GALNT13: variants seen among roughly 807,000 people sequenced by gnomAD.
The protein encoded by GALNT13 is polypeptide N-acetylgalactosaminyltransferase 13, also known as UDP-GalNAc:polypeptide N-acetylgalactosaminyltransferase 13.
In GALNT13, 28 loss-of-function variants were observed where a neutral mutation model predicts 64.2. That is an observed-to-expected ratio of 0.44 (90% CI 0.32 to 0.60). GALNT13 has a LOEUF of 0.60. Ranked by LOEUF, GALNT13 falls within the 20% of genes least tolerant of loss-of-function variation. The pLI is 0.05. For synonymous variants in GALNT13, 214 were observed against 224.6 expected, an observed-to-expected ratio of 0.95 and a Z score of 0.42; for missense variants, 577 against 669.8, an observed-to-expected ratio of 0.86 and a Z score of 1.53.
the GALNT13 span, among the ~76,000 whole-genome samples, chr2:153,658,937 A>G: frequency 6.6e-6 from 1 of 152,132 alleles, no homozygotes; most frequent in Non-Finnish European, 1.5e-5. Flanking sequence ...TCTAATGTAC[A>G]TATATTTGTC....
At chr2:154,121,576 A>G (rs1466297311) in intron 3 of GALNT13, among the ~76,000 whole-genome samples, 1 of 152,110 alleles carries the variant, frequency 6.6e-6, no homozygotes. Context: ...TTTTGGTGCT[A>G]TTGTAAATTT....
chr2:153,147,384 G>A, the GALNT13 span, among the ~76,000 whole-genome samples: 1 of 151,776 alleles, frequency 6.6e-6, no homozygotes, highest in Non-Finnish European at 1.5e-5. Context: ...AACTAAAACA[G>A]CAAAGTTAAG....
the GALNT13 span, among the ~76,000 whole-genome samples, chr2:153,723,131 A>T: frequency 1.4e-5 from 2 of 142,300 alleles, no homozygotes; most frequent in East Asian, 4.2e-4. Flanking sequence ...CATCCCTGGG[A>T]TGCAAGGCTG....
In GALNT13 at chr2:153,921,455, G is replaced by T. The variant is rs568038190; in HGVS notation, c.-105+20448G>T. 2.6e-5 allele frequency among the ~76,000 whole-genome samples: 4 copies of T among 152,246 alleles called. No individual in the cohort carries two copies. The East Asian group carries it at 7.7e-4, about 29-fold the overall frequency. On this transcript the variant is annotated intron_variant, in intron 2 of 12. Transcript: ENST00000392825. Reference sequence around the variant, plus strand: ...AAAGAGGGGAACAACAGGCACCAAGGCCTGCTTGAGGGTGGAGTCTTGGAG... The same window carrying T: ...AAAGAGGGGAACAACAGGCACCAAGTCCTGCTTGAGGGTGGAGTCTTGGAG...
At chr2:153,884,803 A>G (rs62174145) in intron 1 of GALNT13, among the ~76,000 whole-genome samples, 33,370 of 132,694 alleles carry the variant, frequency 0.25, 5,833 homozygotes, top group East Asian at 0.72. Context: ...GTATATATAT[A>G]TATGTGTGTG....
At chr2:153,283,893 T>C in the GALNT13 span, among the ~76,000 whole-genome samples, 575 of 152,278 alleles carry the variant, frequency 3.8e-3, 6 homozygotes, top group African/African-American at 0.013. Context: ...AGTCTACTGA[T>C]CCATGCAAAT....
chr2:154,236,955 C>T (rs953093889), intron 4 of GALNT13, among the ~76,000 whole-genome samples: 9 of 151,806 alleles, frequency 5.9e-5, no homozygotes, highest in African/African-American at 2.2e-4. Context: ...TTTTAATATG[C>T]TTTATTTGTT....
chr2:153,107,735 G>A, the GALNT13 span, among the ~76,000 whole-genome samples: 1 of 152,184 alleles, frequency 6.6e-6, no homozygotes, highest in South Asian at 2.1e-4. Context: ...ATAATAAATA[G>A]GTTTTCATTT....
the GALNT13 span, among the ~76,000 whole-genome samples, chr2:153,676,650 A>G: frequency 6.6e-6 from 1 of 152,052 alleles, no homozygotes; most frequent in East Asian, 1.9e-4. Flanking sequence ...GCACATCAAA[A>G]AGCTAATCCA....
intron 2 of GALNT13, among the ~76,000 whole-genome samples, chr2:153,927,922 G>C (rs921363231): frequency 1.3e-5 from 2 of 152,054 alleles, no homozygotes; most frequent in Non-Finnish European, 2.9e-5. Context: ...CCATGGATAA[G>C]ATGTTGTTAA....
At chr2:153,742,795 C>G in the GALNT13 span, among the ~76,000 whole-genome samples, 4 of 152,112 alleles carry the variant, frequency 2.6e-5, no homozygotes, top group Middle Eastern at 3.4e-3. Flanking sequence ...TACATATATA[C>G]CACATTTTCT....
At chr2:153,620,549 G>A in the GALNT13 span, among the ~76,000 whole-genome samples, 1 of 151,702 alleles carries the variant, frequency 6.6e-6, no homozygotes, top group Admixed American at 6.6e-5. Context: ...GCTACCATAA[G>A]ACTCCGAGGC....
At chr2:154,058,416 G>T (rs765401337) in intron 3 of GALNT13, among the ~76,000 whole-genome samples, 17 of 152,188 alleles carry the variant, frequency 1.1e-4, no homozygotes, top group Non-Finnish European at 2.2e-4. Flanking sequence ...TATAACAATT[G>T]CATTATTAAC....
At chr2:154,079,991 A>G (rs934171998) in intron 3 of GALNT13, among the ~76,000 whole-genome samples, 1 of 151,540 alleles carries the variant, frequency 6.6e-6, no homozygotes, top group Non-Finnish European at 1.5e-5. Flanking sequence ...TTTGGGTATA[A>G]TGTGCTTTAA....
intron 11 of GALNT13, among the ~76,000 whole-genome samples, chr2:154,413,938 A>G (rs983711011): frequency 7.2e-5 from 11 of 152,104 alleles, no homozygotes; most frequent in Non-Finnish European, 1.6e-4. Context: ...GGCAAGCGCC[A>G]ATATTTACTT....
At chr2:153,463,991 CAT>C in the GALNT13 span, among the ~76,000 whole-genome samples, 1 of 152,012 alleles carries the variant, frequency 6.6e-6, no homozygotes, top group African/African-American at 2.4e-5. Context: ...GAAGCCAGGA[CAT>C]ATGAGTAGAC....
At chr2:154,441,748 AAC>A (rs1480883156) in intron 12 of GALNT13, 1 of 152,152 alleles carries the variant, frequency 6.6e-6, no homozygotes, top group East Asian at 1.9e-4. Context: ...GAAAAATGGA[AAC>A]AGTGTCATGA....
At chr2:154,110,330 TATATATAGAGAGAG>T (rs1702893340) in intron 3 of GALNT13, among the ~76,000 whole-genome samples, 1 of 22,112 alleles carries the variant, frequency 4.5e-5, no homozygotes, top group Non-Finnish European at 8.1e-5. Context: ...TATATATATA[TATATATAGAGAGAG>T]AGAGAGAGAG....
At chr2:154,057,025 T>C (rs944392220) in intron 3 of GALNT13, among the ~76,000 whole-genome samples, 1 of 151,888 alleles carries the variant, frequency 6.6e-6, no homozygotes, top group Non-Finnish European at 1.5e-5. Flanking sequence ...TTTTTATTTT[T>C]ATTTTATTTT....
Sources: allele counts gnomAD v4.1 joint callset (sites outside exome capture counted in the v4.1 genomes callset), GRCh38; gene constraint gnomAD v4.1.1; transcripts MANE v1.5; gene names NCBI Gene and HGNC (gene_info 2026-07-23, HGNC 2026-07-21).